PTPRT: variants seen among roughly 807,000 people sequenced by gnomAD.
PTPRT encodes protein tyrosine phosphatase receptor type T, also known as receptor-type tyrosine-protein phosphatase T.
Under a neutral mutation model 176.8 loss-of-function variants are expected in PTPRT, and 56 were observed. The observed-to-expected ratio is 0.32, with a 90% CI of 0.26 to 0.40. The LOEUF is 0.40. PTPRT is among the 10% of genes least tolerant of loss of function. The pLI is 1.00. For synonymous variants in PTPRT, 783 were observed against 739.0 expected (o/e 1.06, Z -0.96); for missense variants, 1,540 against 1,908.2 (o/e 0.81, Z 3.60).
intron 9 of PTPRT, among the ~76,000 whole-genome samples, chr20:42,368,527 A>T (rs1009728981): frequency 1.2e-4 from 19 of 152,146 alleles, no homozygotes; most frequent in African/African-American, 4.6e-4. Context: ...TTAAAGTCAC[A>T]CAAACTCTTT....
intron 9 of PTPRT, among the ~76,000 whole-genome samples, chr20:42,389,432 G>A (rs1046519758): frequency 5.3e-5 from 8 of 152,186 alleles, no homozygotes; most frequent in African/African-American, 1.7e-4. Context: ...TGGTTTGAAT[G>A]TGTTCCCCCA....
At position 42,916,446 on chromosome 20, in the gene PTPRT, G is replaced by T. The variant is rs190699217; in HGVS notation, c.89-30514C>A. Reference sequence around the variant, plus strand: ...ACATACATGTGCATGTGTCTTTATAGCAGCATGATTTATAATCCTTTGGGT... The same window carrying T: ...ACATACATGTGCATGTGTCTTTATATCAGCATGATTTATAATCCTTTGGGT... On this transcript the variant is annotated intron_variant, in intron 1 of 30. Coordinates refer to ENST00000373187, the MANE Select transcript of PTPRT (RefSeq NM_007050.6). Among the ~76,000 whole-genome samples the T allele has an allele frequency of 2.5e-3, 382 of 152,258 alleles. 1 individual carries two copies. Among genetic ancestry groups the T allele is most frequent in the African/African-American group, 8.7e-3 (362 of 41,540 alleles).
At chr20:42,486,617 C>T (rs2071468645) in intron 7 of PTPRT, among the ~76,000 whole-genome samples, 1 of 152,028 alleles carries the variant, frequency 6.6e-6, no homozygotes, top group Non-Finnish European at 1.5e-5. Flanking sequence ...AACAAATCAC[C>T]CCCAAAGCCA....
intron 21 of PTPRT, among the ~76,000 whole-genome samples, chr20:42,116,739 T>C (rs1047905844): frequency 6.6e-6 from 1 of 152,152 alleles, no homozygotes. Context: ...ACTAGGAACA[T>C]GGGCTCCTAT....
chr20:42,343,792 A>G (rs1288833236), intron 11 of PTPRT, among the ~76,000 whole-genome samples: 1 of 152,248 alleles, frequency 6.6e-6, no homozygotes, highest in Non-Finnish European at 1.5e-5. Context: ...GAGGATACAC[A>G]GCAGATAGGC....
intron 5 of PTPRT, 121 bp from the exon 6 acceptor site, chr20:42,756,757 A>C: frequency 1.2e-6 from 1 of 854,638 alleles, no homozygotes; most frequent in Non-Finnish European, 1.7e-6. Flanking sequence ...CCACTATAAT[A>C]AGGGATTTCC....
At chr20:42,336,977 A>T (rs752512387) in intron 11 of PTPRT, among the ~76,000 whole-genome samples, 1 of 152,162 alleles carries the variant, frequency 6.6e-6, no homozygotes, top group African/African-American at 2.4e-5. Context: ...CAGAGTCCTT[A>T]ATAGGGGGCC....
In PTPRT at chr20:42,977,893, C is replaced by T. The variant is rs146686907; in HGVS notation, c.89-91961G>A. ...AATTGTTTCCCTAAACTAATAAATTCGTGGGAATGGAATTATAATAGTCCT... is the reference window on the plus strand; with the variant it reads ...AATTGTTTCCCTAAACTAATAAATTTGTGGGAATGGAATTATAATAGTCCT... On this transcript the variant is annotated intron_variant, in intron 1 of 30. Coordinates refer to ENST00000373187, the MANE Select transcript of PTPRT (RefSeq NM_007050.6). Among the ~76,000 whole-genome samples, 1,218 of 152,312 alleles carry T rather than the reference C, an allele frequency of 8.0e-3. 12 individuals carry two copies. The highest frequency in any genetic ancestry group is 0.044 in the Middle Eastern group (13 of 294).
At chr20:42,313,468 A>C (rs2057667741) in intron 12 of PTPRT, among the ~76,000 whole-genome samples, 1 of 151,070 alleles carries the variant, frequency 6.6e-6, no homozygotes, top group Non-Finnish European at 1.5e-5. Context: ...AGGGCCAACC[A>C]CTCTTATGGT....
At chr20:42,040,657 A>G in the PTPRT span, among the ~76,000 whole-genome samples, 3 of 152,224 alleles carry the variant, frequency 2.0e-5, no homozygotes, top group Non-Finnish European at 4.4e-5. Flanking sequence ...CTTAGCAGTA[A>G]CATGTATTTA....
At chr20:42,541,595 C>G (rs2072582604) in intron 7 of PTPRT, among the ~76,000 whole-genome samples, 1 of 139,728 alleles carries the variant, frequency 7.2e-6, no homozygotes, top group Non-Finnish European at 1.6e-5. Context: ...GTAAATAAAG[C>G]TGAGTAGCCA....
intron 1 of PTPRT, among the ~76,000 whole-genome samples, chr20:42,947,126 C>G (rs1228783238): frequency 6.6e-6 from 1 of 152,146 alleles, no homozygotes; most frequent in Non-Finnish European, 1.5e-5. Flanking sequence ...TTTCCAGGGG[C>G]CAATTATTCA....
chr20:42,614,907 T>A (rs570815287), intron 7 of PTPRT, among the ~76,000 whole-genome samples: 1,784 of 150,332 alleles, frequency 0.012, 35 homozygotes, highest in African/African-American at 0.042. Flanking sequence ...AACTCTCGGT[T>A]TTTTTTGTTG....
At position 42,350,225 on chromosome 20, in the gene PTPRT, T is replaced by TG. The variant is rs11086831; in HGVS notation, c.1865+402_1865+403insC. On this transcript the variant is annotated intron_variant, in intron 11 of 30. Transcript: ENST00000373187. ...TTAGGATGTTTCTTGTTTTTTTTTTTTTTTTTTTTTTTTTTTTTTTTGAGA... is the reference window on the plus strand; with the variant it reads ...TTAGGATGTTTCTTGTTTTTTTTTTTGTTTTTTTTTTTTTTTTTTTTTGAGA... Among the ~76,000 whole-genome samples the TG allele has an allele frequency of 0.015, 1,013 of 66,188 alleles. 35 individuals carry two copies. The East Asian group carries it at 0.28, about 19-fold the overall frequency. The allele number at this position is 66,188 out of a possible 152,430, so 43.4% of individuals were successfully genotyped here. A position where few individuals can be genotyped will look rare whatever the true frequency, so the allele number is the denominator to read the frequency against.
intron 16 of PTPRT, among the ~76,000 whole-genome samples, chr20:42,164,457 T>C (rs550298849): frequency 6.6e-6 from 1 of 152,346 alleles, no homozygotes; most frequent in South Asian, 2.1e-4. Context: ...ATAATGTCAA[T>C]GCCAGTGCTA....
rs189009470 is a variant in PTPRT at position 42,744,886 on chromosome 20, C to T, written c.859+11576G>A. Among the ~76,000 whole-genome samples the T allele has an allele frequency of 6.3e-3, 961 of 152,354 alleles. 8 individuals carry two copies. The highest frequency in any genetic ancestry group is 0.038 in the Middle Eastern group (11 of 292). ...ATTCCTTAAACTGGAACTATTATCA[C>T]AGGGCCCTAGTGATTGCAGAGCAGG... On this transcript the variant is annotated intron_variant, in intron 6 of 30. Coordinates refer to ENST00000373187, the MANE Select transcript of PTPRT (RefSeq NM_007050.6).
chr20:43,103,398 A>G (rs1385558800), intron 1 of PTPRT, among the ~76,000 whole-genome samples: 2 of 152,162 alleles, frequency 1.3e-5, no homozygotes, highest in South Asian at 2.1e-4. Flanking sequence ...GCTGAGACAA[A>G]TCTCTTTCCC....
intron 1 of PTPRT, among the ~76,000 whole-genome samples, chr20:42,961,108 G>T (rs1981959940): frequency 6.6e-6 from 1 of 151,876 alleles, no homozygotes; most frequent in Admixed American, 6.6e-5. Context: ...AAAGAGATCT[G>T]GTTTTAAAAG....
chr20:42,537,145 A>C (rs1490390424), intron 7 of PTPRT, among the ~76,000 whole-genome samples: 2 of 151,986 alleles, frequency 1.3e-5, no homozygotes, highest in Non-Finnish European at 2.9e-5. Flanking sequence ...CAAAGAAAAA[A>C]CTCGAAAATG....
Sources: allele counts gnomAD v4.1 joint callset (sites outside exome capture counted in the v4.1 genomes callset), GRCh38; gene constraint gnomAD v4.1.1; transcripts MANE v1.5; gene names NCBI Gene and HGNC (gene_info 2026-07-23, HGNC 2026-07-21).